The following ARMH3 variants were observed in gnomAD, a reference collection of about 807,000 sequenced individuals.
The protein encoded by ARMH3 is armadillo-like helical domain-containing protein 3.
Under a neutral mutation model 99.1 loss-of-function variants are expected in ARMH3, and 60 were observed. The ratio of observed to expected loss-of-function variants is 0.61; its 90% CI spans 0.49 to 0.75. The LOEUF (loss-of-function observed/expected upper bound fraction) is 0.75, where lower values mean the gene tolerates loss of function less well. ARMH3 is among the 30% of genes least tolerant of loss of function. The probability of loss-of-function intolerance (pLI) is 0.00; values close to 1 mark genes in which losing one functional copy is unlikely to be tolerated. For synonymous variants in ARMH3, 285 were observed against 292.8 expected (o/e 0.97, Z 0.27); for missense variants, 679 against 843.1 (o/e 0.81, Z 2.41).
At chr10:101,944,273 T>TATATAG (rs1844401380) in intron 22 of ARMH3, among the ~76,000 whole-genome samples, 20 of 25,408 alleles carry the variant, frequency 7.9e-4, no homozygotes, top group East Asian at 2.8e-3. Flanking sequence ...TATATATATA[T>TATATAG]AGAGAGAGAG....
chr10:101,944,125 T>G (rs1248062768), intron 22 of ARMH3, among the ~76,000 whole-genome samples: 1 of 148,456 alleles, frequency 6.7e-6, no homozygotes, highest in Non-Finnish European at 1.5e-5. Flanking sequence ...TGAGGAAAAT[T>G]TGAAAATGAT....
intron 24 of ARMH3, among the ~76,000 whole-genome samples, chr10:101,886,003 G>C (rs1472581038): frequency 6.6e-6 from 1 of 151,514 alleles, no homozygotes; most frequent in East Asian, 1.9e-4. Context: ...GTTGCGGTGA[G>C]CCAAGATCGC....
chr10:101,848,106 T>C (rs2066502947), intron 25 of ARMH3, among the ~76,000 whole-genome samples: 1 of 152,340 alleles, frequency 6.6e-6, no homozygotes. Flanking sequence ...GATGCAGTCC[T>C]TTTCTGGCAC....
At chr10:101,849,327 G>GT (rs2066532157) in intron 25 of ARMH3, among the ~76,000 whole-genome samples, 1 of 152,232 alleles carries the variant, frequency 6.6e-6, no homozygotes, top group Admixed American at 6.5e-5. Context: ...GTGCCCAAGG[G>GT]TGGGGGCTGC....
chr10:101,865,296 T>C (rs2066976511), intron 24 of ARMH3, among the ~76,000 whole-genome samples: 1 of 151,456 alleles, frequency 6.6e-6, no homozygotes, highest in Admixed American at 6.6e-5. Context: ...AAGATATACA[T>C]AGAGAGTATT....
intron 23 of ARMH3, among the ~76,000 whole-genome samples, chr10:101,931,597 A>G (rs971750167): frequency 6.6e-6 from 1 of 151,930 alleles, no homozygotes; most frequent in African/African-American, 2.4e-5. Context: ...TGCTTACTTT[A>G]TATCATATAT....
chr10:101,945,637 G>A (rs1844480332), intron 22 of ARMH3, among the ~76,000 whole-genome samples: 1 of 151,924 alleles, frequency 6.6e-6, no homozygotes, highest in South Asian at 2.1e-4. Flanking sequence ...AGAATCACTT[G>A]AACACAGGAG....
At chr10:101,921,082 T>C (rs1166604207) in intron 23 of ARMH3, among the ~76,000 whole-genome samples, 1 of 152,222 alleles carries the variant, frequency 6.6e-6, no homozygotes, top group East Asian at 1.9e-4. Context: ...GTCAATATAC[T>C]TAATGCTACC....
intron 19 of ARMH3, among the ~76,000 whole-genome samples, chr10:101,988,811 T>A (rs760935247): frequency 6.6e-6 from 1 of 150,820 alleles, no homozygotes; most frequent in Non-Finnish European, 1.5e-5. Flanking sequence ...TAGTCCCAGC[T>A]ACTCGGGAAG....
At chr10:101,907,594 G>C (rs2135528366) in intron 23 of ARMH3, among the ~76,000 whole-genome samples, 1 of 152,190 alleles carries the variant, frequency 6.6e-6, no homozygotes, top group Admixed American at 6.5e-5. Flanking sequence ...ATTTCAGCCA[G>C]GCTGGTCTCG....
intron 1 of ARMH3, among the ~76,000 whole-genome samples, chr10:102,051,861 C>T (rs903113014): frequency 4.6e-5 from 7 of 152,164 alleles, no homozygotes; most frequent in Non-Finnish European, 5.9e-5. Flanking sequence ...GATGAGCTCT[C>T]GTTCATTTAA....
At chr10:101,955,922 C>T (rs751281426) in intron 22 of ARMH3, among the ~76,000 whole-genome samples, 1 of 152,154 alleles carries the variant, frequency 6.6e-6, no homozygotes, top group Non-Finnish European at 1.5e-5. Context: ...AATTATACTT[C>T]AATAAAGCTA....
At chr10:101,850,677 G>C (rs1475647782) in intron 24 of ARMH3, among the ~76,000 whole-genome samples, 1 of 152,088 alleles carries the variant, frequency 6.6e-6, no homozygotes, top group East Asian at 1.9e-4. Flanking sequence ...CACCAGACTT[G>C]ACCTCCAAAA....
chr10:101,928,467 C>T (rs1843590997), intron 23 of ARMH3, among the ~76,000 whole-genome samples: 1 of 152,176 alleles, frequency 6.6e-6, no homozygotes, highest in African/African-American at 2.4e-5. Context: ...AAACGGGCCA[C>T]AATCGGCAGG....
intron 23 of ARMH3, among the ~76,000 whole-genome samples, chr10:101,901,395 T>G (rs941061642): frequency 6.6e-5 from 10 of 152,082 alleles, no homozygotes; most frequent in Non-Finnish European, 1.3e-4. Context: ...TCAGCAAGTC[T>G]GCCAAAGTAA....
intron 22 of ARMH3, among the ~76,000 whole-genome samples, chr10:101,944,294 A>AGC: frequency 9.8e-6 from 1 of 101,904 alleles, no homozygotes; most frequent in Middle Eastern, 4.8e-3. Context: ...AGAGAGAGAG[A>AGC]GAGAGAGAGA....
intron 22 of ARMH3, among the ~76,000 whole-genome samples, chr10:101,946,046 T>C (rs1471854252): frequency 5.1e-5 from 5 of 97,930 alleles, no homozygotes; most frequent in African/African-American, 2.4e-4. Context: ...CACTCCAGCC[T>C]GGGCGACAGA....
intron 23 of ARMH3, chr10:101,913,261 G>A (rs1266943350): frequency 1.3e-5 from 2 of 152,112 alleles, no homozygotes; most frequent in Admixed American, 6.6e-5. Context: ...GATTACAGGT[G>A]TGAGCCACCA....
rs753539438 is a variant in ARMH3, at chr10:102,011,789, C to T, written c.771-6G>A. On this transcript the variant is annotated splice_polypyrimidine_tract_variant and splice_region_variant and intron_variant, in intron 10 of 25. Coordinates refer to ENST00000370033, the MANE Select transcript of ARMH3 (RefSeq NM_024541.3). ...CTTCCTTGTCTTTATACTGCCTAAACAAAAAGAACTAAATTCAACTTTAGG... is the reference window on the plus strand; with the variant it reads ...CTTCCTTGTCTTTATACTGCCTAAATAAAAAGAACTAAATTCAACTTTAGG... 3 of 1,602,306 alleles carry T rather than the reference C, an allele frequency of 1.9e-6. No homozygotes were observed. In the African/African-American group the frequency reaches 4.0e-5, roughly 22 times the overall value.
Sources: allele counts gnomAD v4.1 joint callset (sites outside exome capture counted in the v4.1 genomes callset), GRCh38; gene constraint gnomAD v4.1.1; transcripts MANE v1.5; gene names NCBI Gene and HGNC (gene_info 2026-07-23, HGNC 2026-07-21).